RIC1: variants seen among roughly 807,000 people sequenced by gnomAD.
RIC1 encodes guanine nucleotide exchange factor subunit RIC1.
Under a neutral mutation model 169.0 loss-of-function variants are expected in RIC1, and 88 were observed. That is an observed-to-expected ratio of 0.52 (90% CI 0.44 to 0.62). RIC1 has a LOEUF of 0.62. Ranked by LOEUF, RIC1 falls within the 20% of genes least tolerant of loss-of-function variation. RIC1 has a pLI of 0.00. For missense variants in RIC1, 1,877 were observed against 1,725.5 expected (o/e 1.09, Z -1.56); for synonymous variants, 790 against 601.5 (o/e 1.31, Z -4.59).
chr9:5,687,207 G>T (rs1470701512), intron 2 of RIC1, among the ~76,000 whole-genome samples: 2 of 151,874 alleles, frequency 1.3e-5, no homozygotes, highest in Non-Finnish European at 2.9e-5. Flanking sequence ...TCTGTTAGTG[G>T]CTCTTTTTTG....
intron 10 of RIC1, among the ~76,000 whole-genome samples, chr9:5,744,459 A>C (rs766614691): frequency 8.5e-5 from 13 of 152,208 alleles, no homozygotes; most frequent in Non-Finnish European, 1.6e-4. Flanking sequence ...CCCTTAACCA[A>C]AGTGCTTGGA....
chr9:5,650,616 G>A (rs907236404), intron 1 of RIC1, among the ~76,000 whole-genome samples: 2 of 152,062 alleles, frequency 1.3e-5, no homozygotes, highest in Non-Finnish European at 2.9e-5. Flanking sequence ...ACACTGGCAT[G>A]CTGGGAGATT....
At chr9:5,728,762 T>G (rs773097625) in intron 6 of RIC1, among the ~76,000 whole-genome samples, 6 of 152,248 alleles carry the variant, frequency 3.9e-5, no homozygotes, top group Non-Finnish European at 8.8e-5. Flanking sequence ...TTAACACAGC[T>G]GTTTTTTGGC....
At chr9:5,745,165 A>C (rs374404774) in intron 10 of RIC1, among the ~76,000 whole-genome samples, 19 of 152,186 alleles carry the variant, frequency 1.2e-4, no homozygotes, top group African/African-American at 4.6e-4. Context: ...ACCACAAACT[A>C]AGAATCTAAG....
intron 4 of RIC1, among the ~76,000 whole-genome samples, chr9:5,715,776 G>A (rs1262895244): frequency 6.6e-6 from 1 of 151,832 alleles, no homozygotes; most frequent in African/African-American, 2.4e-5. Context: ...TAATTTTAAT[G>A]AGAGTTTCCC....
chr9:5,706,227 A>G (rs953987249), intron 3 of RIC1, among the ~76,000 whole-genome samples: 6 of 152,198 alleles, frequency 3.9e-5, no homozygotes, highest in Non-Finnish European at 8.8e-5. Flanking sequence ...TGGGAGGCCA[A>G]GGTGGGCAGA....
At chr9:5,652,533 T>C (rs565427651) in intron 1 of RIC1, among the ~76,000 whole-genome samples, 3 of 152,198 alleles carry the variant, frequency 2.0e-5, no homozygotes, top group Non-Finnish European at 4.4e-5. Flanking sequence ...GAGGCATTAC[T>C]GGTTTTTGTA....
chr9:5,638,125 T>C (rs1818065487), intron 1 of RIC1, among the ~76,000 whole-genome samples: 1 of 152,252 alleles, frequency 6.6e-6, no homozygotes. Context: ...GGTCCTTCAT[T>C]CTGTTGATAT....
Position 5,732,494 on chromosome 9 carries a change from G to A in RIC1, c.812+15G>A, listed in dbSNP as rs1563934431. On this transcript the variant is annotated intron_variant, in intron 7 of 25. Transcript: ENST00000414202. ...GGCTGTGTGAGGTATAATTGATGTAGGCTTTTGCATTTTTAAGAGTTGTTG... is the reference window on the plus strand; with the variant it reads ...GGCTGTGTGAGGTATAATTGATGTAAGCTTTTGCATTTTTAAGAGTTGTTG... 6.5e-7 allele frequency: 1 copy of A among 1,549,774 alleles called. No individual in the cohort carries two copies. The highest frequency in any genetic ancestry group is 2.3e-5 in the East Asian group (1 of 43,820).
At chr9:5,671,005 A>G (rs1820058035) in intron 2 of RIC1, among the ~76,000 whole-genome samples, 1 of 152,076 alleles carries the variant, frequency 6.6e-6, no homozygotes, top group Admixed American at 6.5e-5. Context: ...GAAATGCAAA[A>G]ACCTGAGAAG....
At chr9:5,769,310 A>T (rs1162564447) in intron 22 of RIC1, 54 bp downstream of exon 22, 3 of 1,613,868 alleles carry the variant, frequency 1.9e-6, no homozygotes, top group African/African-American at 2.7e-5. Context: ...TACTCCGTGT[A>T]TTTACACATT....
At chr9:5,629,576 C>G in intron 1 of RIC1, 123 bp downstream of exon 1, 1 of 1,080,948 alleles carries the variant, frequency 9.3e-7, no homozygotes, top group East Asian at 3.2e-5. Context: ...CCTGCCTTCG[C>G]AGTCCGCGTC....
chr9:5,650,277 G>T (rs1222798220), intron 1 of RIC1, among the ~76,000 whole-genome samples: 2 of 152,140 alleles, frequency 1.3e-5, no homozygotes, highest in East Asian at 3.9e-4. Flanking sequence ...GGTAGCATCA[G>T]GCTGGGTGGG....
chr9:5,633,862 C>T (rs1018472905), intron 1 of RIC1, among the ~76,000 whole-genome samples: 3 of 152,156 alleles, frequency 2.0e-5, no homozygotes, highest in African/African-American at 7.2e-5. Context: ...TCATCTTATA[C>T]CTGAAAATTT....
At chr9:5,683,965 T>G (rs185649146) in intron 2 of RIC1, among the ~76,000 whole-genome samples, 1 of 152,196 alleles carries the variant, frequency 6.6e-6, no homozygotes, top group African/African-American at 2.4e-5. Context: ...TATAATCTCC[T>G]GGTATGCCAT....
At chr9:5,723,336 T>C (rs1823731820) in intron 6 of RIC1, among the ~76,000 whole-genome samples, 1 of 152,244 alleles carries the variant, frequency 6.6e-6, no homozygotes, top group Non-Finnish European at 1.5e-5. Flanking sequence ...CATGTGTCTG[T>C]TGGCTGCATA....
At chr9:5,757,176 A>T (rs1428566913) in intron 16 of RIC1, 137 bp from the exon 17 acceptor site, 3 of 971,920 alleles carry the variant, frequency 3.1e-6, no homozygotes, top group Non-Finnish European at 4.7e-6. Context: ...ATCGAAGGAT[A>T]TATGGGGAGA....
At chr9:5,753,490 G>GT in intron 13 of RIC1, 46 bp from the exon 14 acceptor site, 1 of 1,172,520 alleles carries the variant, frequency 8.5e-7, no homozygotes, top group Non-Finnish European at 1.2e-6. Flanking sequence ...GCCTAATAAA[G>GT]TATATAGGTT....
chr9:5,659,836 T>A (rs1200831281), intron 2 of RIC1, among the ~76,000 whole-genome samples: 2 of 152,204 alleles, frequency 1.3e-5, no homozygotes, highest in Non-Finnish European at 2.9e-5. Flanking sequence ...TAGACATATA[T>A]CTGATTTTTT....
Sources: allele counts gnomAD v4.1 joint callset (sites outside exome capture counted in the v4.1 genomes callset), GRCh38; gene constraint gnomAD v4.1.1; transcripts MANE v1.5; gene names NCBI Gene and HGNC (gene_info 2026-07-23, HGNC 2026-07-21).